Variants in FIG4 observed in about 807,000 individuals in gnomAD.
FIG4 encodes the protein FIG4 phosphoinositide 5-phosphatase.
In FIG4, 112 loss-of-function variants were observed where a neutral mutation model predicts 118.6. That is an observed-to-expected ratio of 0.94 (90% CI 0.81 to 1.11). The LOEUF (loss-of-function observed/expected upper bound fraction) is 1.11. Ranked by LOEUF, FIG4 falls within the 50% of genes least tolerant of loss-of-function variation. The probability of loss-of-function intolerance (pLI) is 0.00; values close to 1 mark genes in which losing one functional copy is unlikely to be tolerated. For missense variants in FIG4, 969 were observed against 1,111.7 expected (o/e 0.87, Z 1.83); for synonymous variants, 369 against 381.2 (o/e 0.97, Z 0.37).
chr6:109,752,957 G>T (rs1300640772), intron 10 of FIG4, among the ~76,000 whole-genome samples: 1 of 152,098 alleles, frequency 6.6e-6, no homozygotes, highest in African/African-American at 2.4e-5. Flanking sequence ...TTCTTCTAGG[G>T]TTTTTATGGT....
At position 109,762,104 on chromosome 6, in the gene FIG4, GT is replaced by G. The variant is rs746073429; in HGVS notation, c.1287del (p.Asp431IlefsTer3). ...AKYTKSKLCNVLDRLNVIAES... is the reference protein window; with the variant it reads ...AKYTKSKLCNXLDRLNVIAES... Reference sequence around the variant, plus strand: ...TTCTCTCCTCAGCAAGCTGTGTAATGTTCTTGATCGACTAAATGTGATTGCA... The same window carrying G: ...TTCTCTCCTCAGCAAGCTGTGTAATGTCTTGATCGACTAAATGTGATTGCA... On this transcript the variant is annotated frameshift_variant, in exon 12 of 23. Coordinates refer to ENST00000230124, the MANE Select transcript of FIG4 (RefSeq NM_014845.6). LOFTEE classifies it high-confidence loss of function. 1 of 1,609,068 alleles carries G rather than the reference GT, an allele frequency of 6.2e-7. No homozygotes were observed. The highest frequency in any genetic ancestry group is 1.1e-5 in the South Asian group (1 of 90,962).
At chr6:109,789,517 G>C in intron 18 of FIG4, 77 bp from the exon 19 acceptor site, 1 of 1,020,968 alleles carries the variant, frequency 9.8e-7, no homozygotes, top group Non-Finnish European at 1.6e-6. Flanking sequence ...TATTGTAAGA[G>C]TGTGAACTGA....
intron 22 of FIG4, among the ~76,000 whole-genome samples, chr6:109,814,249 C>A (rs1778798181): frequency 6.6e-6 from 1 of 152,118 alleles, no homozygotes; most frequent in African/African-American, 2.4e-5. Context: ...AGCGATACTC[C>A]CACCTCAACT....
rs186092318 is a variant in FIG4, at chr6:109,796,906, G to C, written c.2546+55G>C. ...TCTTTGTATTCATGCCACTCATAGG[G>C]CTTTCTTTAAAGACTTTTTAAGAAA... On this transcript the variant is annotated intron_variant, in intron 22 of 22. Transcript: ENST00000230124. 4.9e-4 allele frequency: 499 copies of C among 1,025,020 alleles called. 1 individual carries two copies. The highest frequency in any genetic ancestry group is 4.2e-3 in the Middle Eastern group (20 of 4,782). The allele number at this position is 1,025,020 out of a possible 1,614,324, so 63.5% of individuals were successfully genotyped here.
chr6:109,776,148 G>A (rs914419771), intron 15 of FIG4, among the ~76,000 whole-genome samples: 4 of 152,200 alleles, frequency 2.6e-5, no homozygotes, highest in Admixed American at 6.5e-5. Context: ...AATGGGATGG[G>A]TGGTTCATGA....
intron 8 of FIG4, among the ~76,000 whole-genome samples, chr6:109,741,980 G>C (rs1195449801): frequency 2.6e-5 from 4 of 151,984 alleles, no homozygotes; most frequent in Admixed American, 2.0e-4. Context: ...TCTGTGGAGG[G>C]AACCCATGGA....
intron 13 of FIG4, 22 bp downstream of exon 13, chr6:109,764,004 GT>G: frequency 6.6e-7 from 1 of 1,507,010 alleles, no homozygotes; most frequent in Non-Finnish European, 9.2e-7. Flanking sequence ...ATTACAATTC[GT>G]AATGAATAGA....
intron 10 of FIG4, among the ~76,000 whole-genome samples, chr6:109,756,527 A>C (rs1000041043): frequency 6.6e-6 from 1 of 152,128 alleles, no homozygotes; most frequent in African/African-American, 2.4e-5. Flanking sequence ...TATCCTGCAG[A>C]GTGTTTTCCA....
intron 9 of FIG4, 91 bp downstream of exon 9, chr6:109,743,363 T>A: frequency 7.7e-7 from 1 of 1,305,312 alleles, no homozygotes; most frequent in Non-Finnish European, 1.1e-6. Context: ...ATGCTTAGGT[T>A]TTCAGGAGGT....
At chr6:109,740,647 A>T (rs769365005) in intron 7 of FIG4, among the ~76,000 whole-genome samples, 23 of 152,146 alleles carry the variant, frequency 1.5e-4, no homozygotes, top group Admixed American at 3.3e-4. Flanking sequence ...AGAGTCTTAT[A>T]CTCAGTTTGT....
intron 15 of FIG4, among the ~76,000 whole-genome samples, chr6:109,773,597 TC>T (rs1381669572): frequency 1.3e-5 from 2 of 152,184 alleles, no homozygotes; most frequent in African/African-American, 2.4e-5. Context: ...CTGTGTTTCA[TC>T]CCTACTTCTG....
intron 4 of FIG4, among the ~76,000 whole-genome samples, chr6:109,729,559 T>C (rs1046049293): frequency 9.2e-5 from 14 of 152,250 alleles, no homozygotes; most frequent in African/African-American, 3.1e-4. Context: ...CATTTCCTAC[T>C]TGGAAAATTT....
At chr6:109,781,470 T>C (rs1777800213) in intron 16 of FIG4, among the ~76,000 whole-genome samples, 1 of 152,034 alleles carries the variant, frequency 6.6e-6, no homozygotes, top group Non-Finnish European at 1.5e-5. Flanking sequence ...CCAATAATGG[T>C]CAGCATTTGG....
intron 22 of FIG4, among the ~76,000 whole-genome samples, chr6:109,808,350 C>CAAAAAAAA (rs55948419): frequency 4.3e-4 from 29 of 67,016 alleles, no homozygotes; most frequent in South Asian, 1.5e-3. Flanking sequence ...ACACTCACAG[C>CAAAAAAAA]AAAAAAAAAA....
chr6:109,753,570 C>T (rs895782385), intron 10 of FIG4, among the ~76,000 whole-genome samples: 22 of 152,238 alleles, frequency 1.4e-4, no homozygotes, highest in East Asian at 1.9e-4. Flanking sequence ...TGTTCCTACC[C>T]GTGAGCATGG....
rs764540259 is a variant in FIG4 at position 109,732,617 on chromosome 6, CTT to C, written c.447-18_447-17del. The C allele has an allele frequency of 2.1e-5, 22 of 1,033,646 alleles. No individual in the cohort carries two copies. Among genetic ancestry groups the C allele is most frequent in the Non-Finnish European group, 2.7e-5 (19 of 712,708 alleles). 64.0% of individuals were successfully genotyped at this position (1,033,646 alleles called of 1,614,324 possible). ...AATAGTATTGGACAAATGAAATGTA[CTT>C]TGTTTTTTTTTTTTTAGGTATCTAC... On this transcript the variant is annotated intron_variant, in intron 4 of 22. Transcript: ENST00000230124.
At chr6:109,783,863 A>C (rs1166320730) in intron 16 of FIG4, among the ~76,000 whole-genome samples, 1 of 152,182 alleles carries the variant, frequency 6.6e-6, no homozygotes, top group African/African-American at 2.4e-5. Flanking sequence ...GCATAACTTC[A>C]GTCTAAAACA....
chr6:109,776,877 A>G (rs746420876), intron 15 of FIG4, 45 bp from the exon 16 acceptor site: 5 of 1,467,124 alleles, frequency 3.4e-6, no homozygotes, highest in Non-Finnish European at 4.8e-6. Flanking sequence ...TGAGTTATAT[A>G]TCCATCAGTA....
intron 1 of FIG4, among the ~76,000 whole-genome samples, chr6:109,708,543 C>G (rs1775160168): frequency 6.6e-6 from 1 of 152,228 alleles, no homozygotes; most frequent in Non-Finnish European, 1.5e-5. Flanking sequence ...GGAATTGCCA[C>G]ACTGTCTTCT....
Sources: allele counts gnomAD v4.1 joint callset (sites outside exome capture counted in the v4.1 genomes callset), GRCh38; gene constraint gnomAD v4.1.1; transcripts MANE v1.5; gene names NCBI Gene and HGNC (gene_info 2026-07-23, HGNC 2026-07-21).